Variants in PRKCQ observed in about 807,000 individuals in gnomAD.
PRKCQ encodes protein kinase C theta, also known as protein kinase C theta type.
In PRKCQ, 41 loss-of-function variants were observed where a neutral mutation model predicts 91.2. The ratio of observed to expected loss-of-function variants is 0.45; its 90% CI spans 0.35 to 0.58. PRKCQ has a LOEUF of 0.58. PRKCQ is among the 20% of genes least tolerant of loss of function. The pLI, the probability that PRKCQ is intolerant of heterozygous loss-of-function variation, is 0.00. For missense variants in PRKCQ, 673 were observed against 896.5 expected (o/e 0.75, Z 3.18); for synonymous variants, 307 against 316.9 (o/e 0.97, Z 0.33).
intron 1 of PRKCQ, among the ~76,000 whole-genome samples, chr10:6,553,725 A>G (rs192622118): frequency 6.6e-6 from 1 of 152,118 alleles, no homozygotes; most frequent in African/African-American, 2.4e-5. Flanking sequence ...AAAGCAATAG[A>G]CCTACAAAGT....
At chr10:6,416,139 T>C in the PRKCQ span, among the ~76,000 whole-genome samples, 1 of 152,212 alleles carries the variant, frequency 6.6e-6, no homozygotes, top group Non-Finnish European at 1.5e-5. Context: ...ATATAGCCAT[T>C]TGGATTCTTG....
chr10:6,395,054 G>GTTTTTTTTTTTTTTT, the PRKCQ span, among the ~76,000 whole-genome samples: 3 of 129,972 alleles, frequency 2.3e-5, no homozygotes, highest in African/African-American at 5.8e-5. Context: ...GGAAGCTGGA[G>GTTTTTTTTTTTTTTT]TCTTTTTTTT....
intron 16 of PRKCQ, among the ~76,000 whole-genome samples, chr10:6,435,000 C>T (rs182221304): frequency 2.0e-3 from 310 of 152,246 alleles, no homozygotes; most frequent in African/African-American, 7.2e-3. Flanking sequence ...CTGCAAGCTC[C>T]GCCTCCCGCG....
chr10:6,528,627 T>C (rs1005508093), intron 1 of PRKCQ, among the ~76,000 whole-genome samples: 4 of 152,360 alleles, frequency 2.6e-5, no homozygotes, highest in Middle Eastern at 3.4e-3. Flanking sequence ...AGGGCTTATG[T>C]GTTGGATCTC....
chr10:6,473,548 T>G (rs1196287482), intron 12 of PRKCQ, among the ~76,000 whole-genome samples: 2 of 152,238 alleles, frequency 1.3e-5, no homozygotes, highest in Non-Finnish European at 2.9e-5. Context: ...CAGAGGACGT[T>G]AAAGAAAAGA....
the PRKCQ span, among the ~76,000 whole-genome samples, chr10:6,398,152 C>T: frequency 6.6e-6 from 1 of 152,168 alleles, no homozygotes; most frequent in Non-Finnish European, 1.5e-5. Flanking sequence ...TTCTCCTTTG[C>T]ATTCCCTTGG....
chr10:6,462,436 G>T, intron 13 of PRKCQ, 71 bp from the exon 14 acceptor site: 1 of 1,431,040 alleles, frequency 7.0e-7, no homozygotes, highest in South Asian at 1.2e-5. Flanking sequence ...AACCCAGACT[G>T]ACCTTTTTCT....
At chr10:6,515,924 G>A (rs964363265) in intron 1 of PRKCQ, among the ~76,000 whole-genome samples, 2 of 152,136 alleles carry the variant, frequency 1.3e-5, no homozygotes, top group African/African-American at 2.4e-5. Flanking sequence ...ATTATTGAGT[G>A]TTCTGGCCAC....
At chr10:6,561,083 A>G (rs1473919593) in intron 1 of PRKCQ, among the ~76,000 whole-genome samples, 2 of 151,978 alleles carry the variant, frequency 1.3e-5, no homozygotes, top group Non-Finnish European at 2.9e-5. Context: ...TGACTAAAAA[A>G]TTCTTCCTTG....
chr10:6,516,902 T>A (rs920011143), intron 1 of PRKCQ, among the ~76,000 whole-genome samples: 1 of 152,154 alleles, frequency 6.6e-6, no homozygotes, highest in Non-Finnish European at 1.5e-5. Context: ...GGCAAAACCC[T>A]CTGTCCCCCT....
chr10:6,404,583 C>A, the PRKCQ span, among the ~76,000 whole-genome samples: 1 of 130,492 alleles, frequency 7.7e-6, no homozygotes, highest in Non-Finnish European at 1.6e-5. Context: ...CTCTTTCTTT[C>A]TTTCTTTTTT....
downstream of PRKCQ, among the ~76,000 whole-genome samples, chr10:6,426,225 G>A (rs905084674): frequency 4.6e-5 from 7 of 151,694 alleles, no homozygotes; most frequent in African/African-American, 1.5e-4. Context: ...CGTCTTCACC[G>A]ACCCCATCAC....
the PRKCQ span, among the ~76,000 whole-genome samples, chr10:6,401,306 G>C: frequency 0.016 from 2,503 of 152,248 alleles, 79 homozygotes; most frequent in African/African-American, 0.057. Flanking sequence ...ATGTCCCTTT[G>C]GGGTCTGTGT....
chr10:6,467,335 CAGAGAGAGAG>C (rs1173010895), intron 12 of PRKCQ, among the ~76,000 whole-genome samples: 2 of 103,390 alleles, frequency 1.9e-5, no homozygotes, highest in African/African-American at 7.2e-5. Flanking sequence ...GAGAGACAGA[CAGAGAGAGAG>C]AGAGAGAGAG....
chr10:6,559,230 C>T (rs1840532320), intron 1 of PRKCQ, among the ~76,000 whole-genome samples: 1 of 152,178 alleles, frequency 6.6e-6, no homozygotes, highest in South Asian at 2.1e-4. Flanking sequence ...AGGAAAAGAA[C>T]TGGCAAAGGA....
intron 1 of PRKCQ, among the ~76,000 whole-genome samples, chr10:6,529,049 G>A (rs1184054476): frequency 3.3e-5 from 5 of 152,186 alleles, no homozygotes; most frequent in Admixed American, 6.5e-5. Context: ...ATGTCAGGGC[G>A]CCTGTGCCTA....
At chr10:6,544,370 G>A (rs1839877456) in intron 1 of PRKCQ, among the ~76,000 whole-genome samples, 1 of 152,156 alleles carries the variant, frequency 6.6e-6, no homozygotes, top group Non-Finnish European at 1.5e-5. Flanking sequence ...ACTGTCAACT[G>A]AAGAACCAAT....
rs1005844958 is a variant in PRKCQ, at chr10:6,427,871, C to G, written c.*336G>C. 12 of 265,874 alleles carry G rather than the reference C, an allele frequency of 4.5e-5. No individual in the cohort carries two copies. In the Admixed American group the frequency reaches 4.6e-4, roughly 10 times the overall value. 16.5% of individuals were successfully genotyped at this position (265,874 alleles called of 1,614,324 possible). ...AAGCATTTCATTGATCAGCAGTTGG[C>G]GCCCAGGTGAAGAGCCATAATTTAT... On this transcript the variant is annotated 3_prime_UTR_variant, in exon 18 of 18. Coordinates refer to ENST00000263125, the MANE Select transcript of PRKCQ (RefSeq NM_006257.5).
At chr10:6,490,239 C>CCT (rs1366975355) in intron 8 of PRKCQ, among the ~76,000 whole-genome samples, 2 of 152,024 alleles carry the variant, frequency 1.3e-5, no homozygotes, top group African/African-American at 4.8e-5. Flanking sequence ...ACTGAGAGGT[C>CCT]GCTCTGGGTT....
Sources: allele counts gnomAD v4.1 joint callset (sites outside exome capture counted in the v4.1 genomes callset), GRCh38; gene constraint gnomAD v4.1.1; transcripts MANE v1.5; gene names NCBI Gene and HGNC (gene_info 2026-07-23, HGNC 2026-07-21).